LONP1: variants seen among roughly 807,000 people sequenced by gnomAD.
LONP1 encodes lon protease homolog, mitochondrial.
LONP1 carries 31 observed loss-of-function variants against 98.5 expected under a neutral mutation model. The observed-to-expected ratio is 0.31, with a 90% CI of 0.24 to 0.42. The LOEUF (loss-of-function observed/expected upper bound fraction) is 0.42. Ranked by LOEUF, LONP1 falls within the 20% of genes least tolerant of loss-of-function variation. The probability of loss-of-function intolerance (pLI) is 1.00; values close to 1 mark genes in which losing one functional copy is unlikely to be tolerated. For missense variants in LONP1, 1,336 were observed against 1,350.6 expected (o/e 0.99, Z 0.17); for synonymous variants, 781 against 594.7 (o/e 1.31, Z -4.56).
chr19:5,704,540 C>T (rs1235933592), intron 8 of LONP1, among the ~76,000 whole-genome samples: 1 of 152,220 alleles, frequency 6.6e-6, no homozygotes, highest in Non-Finnish European at 1.5e-5. Context: ...ACGGCCTGCC[C>T]AGCCCTGCCC....
intron 17 of LONP1, among the ~76,000 whole-genome samples, chr19:5,692,594 G>A (rs184611320): frequency 2.6e-4 from 39 of 152,220 alleles, no homozygotes; most frequent in East Asian, 1.9e-3. Flanking sequence ...CAGGCCCTGC[G>A]TCACCCCCCT....
rs2055240667 is a variant in LONP1 at position 5,711,774 on chromosome 19, C to T, written c.867G>A (p.Val289=). 1 of 1,607,106 alleles carries T rather than the reference C, an allele frequency of 6.2e-7. No individual in the cohort carries two copies. The highest frequency in any genetic ancestry group is 8.5e-7 in the Non-Finnish European group (1 of 1,175,744). The change falls in exon 4 of 18, where the codon GTG becomes GTA. Residue 289 remains valine, a synonymous_variant. Coordinates refer to ENST00000360614, the MANE Select transcript of LONP1 (RefSeq NM_004793.4). ...VHEDFQVTEE[V]KALTAEIVKT... ...CCTGCGTGACGCACGGACTCACTTT[C>T]ACCTCCTCCGTGACCTGGAAGTCCT...
chr19:5,698,586 T>C (rs2054985040), intron 10 of LONP1, among the ~76,000 whole-genome samples: 1 of 152,172 alleles, frequency 6.6e-6, no homozygotes, highest in African/African-American at 2.4e-5. Context: ...GGCCCGGTCC[T>C]CACTGGAGAC....
intron 17 of LONP1, among the ~76,000 whole-genome samples, chr19:5,692,914 G>T (rs560598565): frequency 1.4e-4 from 22 of 152,184 alleles, no homozygotes; most frequent in African/African-American, 5.1e-4. Context: ...GGGGACAGTG[G>T]CGCTCCAACC....
At chr19:5,717,891 CTTTTTTTT>C (rs532198283) in intron 1 of LONP1, among the ~76,000 whole-genome samples, 1 of 133,266 alleles carries the variant, frequency 7.5e-6, no homozygotes, top group South Asian at 2.4e-4. Context: ...TTCTTTCTTT[CTTTTTTTT>C]TTTTTTTTTG....
At chr19:5,700,031 C>T (rs548943859) in intron 9 of LONP1, among the ~76,000 whole-genome samples, 4 of 152,174 alleles carry the variant, frequency 2.6e-5, no homozygotes, top group South Asian at 2.1e-4. Context: ...CTCCACCTCC[C>T]GGGCTCAAGC....
At chr19:5,693,149 A>T in intron 17 of LONP1, 149 bp downstream of exon 17, 2 of 949,552 alleles carry the variant, frequency 2.1e-6, no homozygotes, top group Non-Finnish European at 1.5e-6. Context: ...CGGTGAGCTT[A>T]AGGCCAGCTC....
At position 5,716,587 on chromosome 19, in the gene LONP1, A is replaced by C. The variant is rs79084886; in HGVS notation, c.430-2316T>G. 5.3e-5 allele frequency among the ~76,000 whole-genome samples: 8 copies of C among 150,736 alleles called. No homozygotes were observed. In the South Asian group the frequency reaches 1.7e-3, roughly 31 times the overall value. ...TTTTTTCTGTTCCCAGAAAAAAAAA[A>C]GTCAGTAACATCTGACAGGAGGGTG... On this transcript the variant is annotated intron_variant, in intron 1 of 17. Transcript: ENST00000360614.
intron 3 of LONP1, 102 bp downstream of exon 3, chr19:5,713,032 G>T: frequency 6.5e-7 from 1 of 1,534,524 alleles, no homozygotes; most frequent in South Asian, 1.1e-5. Flanking sequence ...CCGCTGGGCT[G>T]ACGGACAGGG....
At chr19:5,699,766 G>A (rs1006014508) in intron 9 of LONP1, among the ~76,000 whole-genome samples, 2 of 151,514 alleles carry the variant, frequency 1.3e-5, no homozygotes, top group African/African-American at 2.4e-5. Context: ...CACCATGTTG[G>A]TCAGGCTGGT....
intron 11 of LONP1, 102 bp from the exon 12 acceptor site, chr19:5,696,473 C>T (rs535954389): frequency 4.9e-5 from 73 of 1,478,714 alleles, no homozygotes; most frequent in Non-Finnish European, 5.8e-5. Context: ...CGAGTGAGAG[C>T]GGCACCCACA....
In LONP1 at chr19:5,701,637, A is replaced by G. The variant is rs528588855; in HGVS notation, c.1368-710T>C. Among the ~76,000 whole-genome samples the G allele has an allele frequency of 3.8e-4, 58 of 152,220 alleles. 1 individual carries two copies. The East Asian group carries it at 6.2e-3, about 16-fold the overall frequency. On this transcript the variant is annotated intron_variant, in intron 8 of 17. Transcript: ENST00000360614. ...CGGAGTCTCGTTCACTCAGTGCTCA[A>G]TGGTGCCCAGGCTGGAGTGCAGTGG... is the stretch of plus-strand genomic sequence containing the variant.
intron 8 of LONP1, among the ~76,000 whole-genome samples, chr19:5,703,624 G>A (rs547182612): frequency 2.0e-4 from 30 of 151,522 alleles, no homozygotes; most frequent in Non-Finnish European, 3.7e-4. Context: ...GCCACCCAAC[G>A]GGCATACGAG....
chr19:5,712,094 G>T lies in LONP1; in HGVS notation c.639-92C>A, dbSNP rs181009994. The T allele has an allele frequency of 5.2e-4, 556 of 1,061,086 alleles. 2 individuals are homozygous for T. In the African/African-American group the frequency reaches 8.2e-3, roughly 16 times the overall value. The allele number at this position is 1,061,086 out of a possible 1,614,324, so 65.7% of individuals were successfully genotyped here. A position where few individuals can be genotyped will look rare whatever the true frequency, so the allele number is the denominator to read the frequency against. ...CCCTGGTGGCACAGGTGGTCCAAGG[G>T]TCCCGCTGAGCCCAGACCTCTGGAG... On this transcript the variant is annotated intron_variant, in intron 3 of 17. Transcript: ENST00000360614.
At chr19:5,715,459 C>G (rs1434886794) in intron 1 of LONP1, among the ~76,000 whole-genome samples, 2 of 150,058 alleles carry the variant, frequency 1.3e-5, no homozygotes, top group Non-Finnish European at 3.0e-5. Context: ...CTGGCTAACA[C>G]GGTGAAACCC....
chr19:5,693,595 T>C lies in LONP1; in HGVS notation c.2495A>G (p.Asn832Ser), dbSNP rs781179809. The C allele has an allele frequency of 2.7e-5, 44 of 1,613,966 alleles. No homozygotes were observed. Among genetic ancestry groups the C allele is most frequent in the African/African-American group, 2.1e-4 (16 of 74,898 alleles). ...GATGTGTGAGGTCACCAGGTAGTCATTGGCGGGGGCGTGCTGCATGAGGAA... is the reference window on the plus strand; with the variant it reads ...GATGTGTGAGGTCACCAGGTAGTCACTGGCGGGGGCGTGCTGCATGAGGAA... ...RAFLMQHAPA[N>S]DYLVTSHIHL... is the part of the protein sequence containing the mutation. The change falls in exon 16 of 18, where the codon AAT becomes AGT. Residue 832 changes from asparagine (N) to serine (S), a missense_variant. By Grantham distance (46) the Asn-to-Ser change is conservative. Coordinates refer to ENST00000360614, the MANE Select transcript of LONP1 (RefSeq NM_004793.4).
Position 5,699,170 on chromosome 19 carries a change from G to T in LONP1, c.1542C>A (p.Thr514=), listed in dbSNP as rs777654241. 1 of 1,527,314 alleles carries T rather than the reference G, an allele frequency of 6.5e-7. No individual in the cohort carries two copies. The highest frequency in any genetic ancestry group is 8.9e-7 in the Non-Finnish European group (1 of 1,129,834). The allele number at this position is 1,527,314 out of a possible 1,614,324, so 94.6% of individuals were successfully genotyped here. A position where few individuals can be genotyped will look rare whatever the true frequency, so the allele number is the denominator to read the frequency against. The change falls in exon 10 of 18, where the codon ACC becomes ACA. Residue 514 remains threonine (T), a synonymous_variant. Transcript: ENST00000360614. ...CATAGAAGCAGAGGATCTTGCCCTGGGTGGAGCCGCGGAGCTGGCTAACGG... is the reference window on the plus strand; with the variant it reads ...CATAGAAGCAGAGGATCTTGCCCTGTGTGGAGCCGCGGAGCTGGCTAACGG... ...FIAVSQLRGS[T]QGKILCFYGP...
At chr19:5,692,891 G>A (rs980770706) in intron 17 of LONP1, among the ~76,000 whole-genome samples, 1 of 152,134 alleles carries the variant, frequency 6.6e-6, no homozygotes, top group African/African-American at 2.4e-5. Flanking sequence ...AGGCAGGGAT[G>A]GGAGGGAAGA....
Position 5,708,411 on chromosome 19 carries a change from G to T in LONP1, c.871-8C>A, listed in dbSNP as rs1307659695. ...GATCTCTGCAGTCAGGGCCTGCCAA[G>T]TATGGGGCAGGGTCGCTGGGGCCCA... On this transcript the variant is annotated splice_region_variant and splice_polypyrimidine_tract_variant and intron_variant, in intron 4 of 17. Transcript: ENST00000360614. The T allele has an allele frequency of 7.0e-7, 1 of 1,421,134 alleles. No individual in the cohort carries two copies. Among genetic ancestry groups the T allele is most frequent in the Non-Finnish European group, 9.4e-7 (1 of 1,063,372 alleles). The allele number at this position is 1,421,134 out of a possible 1,614,324, so 88.0% of individuals were successfully genotyped here.
Sources: allele counts gnomAD v4.1 joint callset (sites outside exome capture counted in the v4.1 genomes callset), GRCh38; gene constraint gnomAD v4.1.1; transcripts MANE v1.5; gene names NCBI Gene and HGNC (gene_info 2026-07-23, HGNC 2026-07-21).